RBMS3: variants seen among roughly 807,000 people sequenced by gnomAD.
RBMS3 encodes RNA binding motif single stranded interacting protein 3.
Under a neutral mutation model 66.8 loss-of-function variants are expected in RBMS3, and 27 were observed. The ratio of observed to expected loss-of-function variants is 0.40; its 90% CI spans 0.30 to 0.56. The LOEUF is 0.56. RBMS3 is among the 20% of genes least tolerant of loss of function. The pLI, the probability that RBMS3 is intolerant of heterozygous loss-of-function variation, is 0.40. For synonymous variants in RBMS3, 188 were observed against 183.0 expected, an observed-to-expected ratio of 1.03 and a Z score of -0.22; for missense variants, 513 against 549.5, an observed-to-expected ratio of 0.93 and a Z score of 0.66.
Position 29,581,041 on chromosome 3 carries a change from G to A in RBMS3, c.308-6073G>A, listed in dbSNP as rs199821624. Among the ~76,000 whole-genome samples the A allele has an allele frequency of 1.1e-4, 16 of 152,268 alleles. No individual in the cohort carries two copies. The East Asian group carries it at 2.9e-3, about 28-fold the overall frequency. On this transcript the variant is annotated intron_variant, in intron 3 of 14. Coordinates refer to ENST00000383767, the MANE Select transcript of RBMS3 (RefSeq NM_001003793.3). Reference sequence around the variant, plus strand: ...AGGTGATTCAGACTATAATGGCTTAGAATTTTTCTCACAGTAAGCTCTTTT... The same window carrying A: ...AGGTGATTCAGACTATAATGGCTTAAAATTTTTCTCACAGTAAGCTCTTTT...
intron 4 of RBMS3, among the ~76,000 whole-genome samples, chr3:29,597,262 G>A (rs1457989468): frequency 6.6e-6 from 1 of 152,062 alleles, no homozygotes; most frequent in African/African-American, 2.4e-5. Context: ...ACTAAAACAT[G>A]TTTGATAGTT....
intron 1 of RBMS3, among the ~76,000 whole-genome samples, chr3:29,413,729 T>G (rs1018750580): frequency 1.3e-5 from 2 of 152,086 alleles, no homozygotes; most frequent in African/African-American, 4.8e-5. Flanking sequence ...CCATTTCCGT[T>G]TCTAGGTGAA....
At chr3:29,291,426 A>G (rs535500210) in intron 1 of RBMS3, among the ~76,000 whole-genome samples, 2 of 151,896 alleles carry the variant, frequency 1.3e-5, no homozygotes, top group Non-Finnish European at 2.9e-5. Flanking sequence ...AAGCAGACAC[A>G]TTGGATTGAC....
intron 3 of RBMS3, among the ~76,000 whole-genome samples, chr3:29,543,578 C>T (rs1475043713): frequency 6.6e-6 from 1 of 151,962 alleles, no homozygotes; most frequent in South Asian, 2.1e-4. Context: ...GGTTTGGTGG[C>T]GCAAGTCTGT....
chr3:29,616,243 T>C (rs2048667656), intron 4 of RBMS3: 1 of 152,262 alleles, frequency 6.6e-6, no homozygotes. Flanking sequence ...TCCCAGCACT[T>C]TGGGAGGCTG....
chr3:29,803,572 A>G (rs1026770301), intron 6 of RBMS3, among the ~76,000 whole-genome samples: 2 of 152,108 alleles, frequency 1.3e-5, no homozygotes, highest in African/African-American at 4.8e-5. Context: ...TTTAGTGTTT[A>G]ATAGAATAGA....
chr3:29,750,728 G>A (rs2055137859), intron 5 of RBMS3, among the ~76,000 whole-genome samples: 1 of 151,992 alleles, frequency 6.6e-6, no homozygotes, highest in Admixed American at 6.5e-5. Context: ...AAGGGCCCCA[G>A]TGTGTGTTGT....
chr3:29,579,911 T>A (rs544022980), intron 3 of RBMS3, among the ~76,000 whole-genome samples: 77 of 152,320 alleles, frequency 5.1e-4, no homozygotes, highest in African/African-American at 1.6e-3. Context: ...CCATAAATAA[T>A]GATTCTGATA....
chr3:29,374,016 G>A (rs977301482), intron 1 of RBMS3, among the ~76,000 whole-genome samples: 10 of 152,192 alleles, frequency 6.6e-5, no homozygotes, highest in African/African-American at 2.2e-4. Context: ...AACCCAGAAG[G>A]CTGTGCACTT....
chr3:29,913,060 G>T (rs9875937), intron 10 of RBMS3, among the ~76,000 whole-genome samples: 8,047 of 151,898 alleles, frequency 0.053, 282 homozygotes, highest in African/African-American at 0.096. Flanking sequence ...AGACCTCTTG[G>T]CTATCATCAC....
intron 4 of RBMS3, chr3:29,697,090 G>A: frequency 1.0e-6 from 1 of 985,308 alleles, no homozygotes. Context: ...AGCATGGTAA[G>A]GACAAGGTAA....
intron 12 of RBMS3, among the ~76,000 whole-genome samples, chr3:29,946,361 A>G (rs1307508729): frequency 6.6e-6 from 1 of 151,634 alleles, no homozygotes; most frequent in African/African-American, 2.4e-5. Context: ...GAATCCAACT[A>G]AATTGTTTTA....
At chr3:29,318,758 A>T (rs1488082946) in intron 1 of RBMS3, among the ~76,000 whole-genome samples, 1 of 151,934 alleles carries the variant, frequency 6.6e-6, no homozygotes. Context: ...TAGGGATGCC[A>T]ACTTGAATGA....
intron 3 of RBMS3, among the ~76,000 whole-genome samples, chr3:29,533,943 G>T (rs896823029): frequency 1.3e-5 from 2 of 152,134 alleles, no homozygotes; most frequent in African/African-American, 2.4e-5. Context: ...TCAACATTAT[G>T]GGCCACTCCT....
chr3:29,919,990 A>G (rs1275470016), intron 10 of RBMS3, among the ~76,000 whole-genome samples: 1 of 152,208 alleles, frequency 6.6e-6, no homozygotes, highest in Non-Finnish European at 1.5e-5. Context: ...CTCTTTAGAA[A>G]AGCCAGTTGT....
At chr3:29,859,908 A>G (rs142792183) in intron 6 of RBMS3, among the ~76,000 whole-genome samples, 24 of 152,286 alleles carry the variant, frequency 1.6e-4, no homozygotes, top group Admixed American at 1.4e-3. Context: ...ACATACACAC[A>G]TACACACTCT....
intron 1 of RBMS3, among the ~76,000 whole-genome samples, chr3:29,357,279 A>G (rs1027991720): frequency 3.3e-5 from 5 of 151,596 alleles, no homozygotes; most frequent in African/African-American, 1.2e-4. Context: ...ATTCCCACCT[A>G]TGAGTGAGAA....
At chr3:29,461,920 ATTTTTTTTTTTT>A (rs61115023) in intron 2 of RBMS3, among the ~76,000 whole-genome samples, 291 of 93,312 alleles carry the variant, frequency 3.1e-3, no homozygotes, top group African/African-American at 9.9e-3. Flanking sequence ...TGCCCGGCTA[ATTTTTTTTTTTT>A]TTTTTTTTTT....
chr3:29,786,567 A>T (rs1294800184), intron 6 of RBMS3, among the ~76,000 whole-genome samples: 1 of 152,186 alleles, frequency 6.6e-6, no homozygotes, highest in Non-Finnish European at 1.5e-5. Context: ...GATCTTCAAC[A>T]AAGCAATGAA....
Sources: allele counts gnomAD v4.1 joint callset (sites outside exome capture counted in the v4.1 genomes callset), GRCh38; gene constraint gnomAD v4.1.1; transcripts MANE v1.5; gene names NCBI Gene and HGNC (gene_info 2026-07-23, HGNC 2026-07-21).